The following NKAIN3 variants were observed in gnomAD, a reference collection of about 807,000 sequenced individuals.
The protein encoded by NKAIN3 is sodium/potassium transporting ATPase interacting 3.
In NKAIN3, 25 loss-of-function variants were observed where a neutral mutation model predicts 30.2. The ratio of observed to expected loss-of-function variants is 0.83; its 90% CI spans 0.60 to 1.16. The LOEUF is 1.16. NKAIN3 is among the 50% of genes most tolerant of loss of function. The pLI, the probability that NKAIN3 is intolerant of heterozygous loss-of-function variation, is 0.00. For missense variants in NKAIN3, 225 were observed against 254.1 expected (o/e 0.89, Z 0.78); for synonymous variants, 91 against 89.6 (o/e 1.02, Z -0.09).
intron 3 of NKAIN3, among the ~76,000 whole-genome samples, chr8:62,682,656 G>A (rs574916957): frequency 1.3e-5 from 2 of 152,270 alleles, no homozygotes; most frequent in South Asian, 4.1e-4. Context: ...CAATATGGGA[G>A]TGAGACTGGC....
chr8:62,692,677 T>C (rs1222468652), intron 3 of NKAIN3, among the ~76,000 whole-genome samples: 1 of 152,240 alleles, frequency 6.6e-6, no homozygotes, highest in East Asian at 1.9e-4. Context: ...ATTTCTCTAA[T>C]GTTTATTCTT....
chr8:62,449,719 G>T (rs530018459), intron 1 of NKAIN3, among the ~76,000 whole-genome samples: 1 of 152,014 alleles, frequency 6.6e-6, no homozygotes, highest in Non-Finnish European at 1.5e-5. Flanking sequence ...CAATCCATAA[G>T]CGTATTTTTC....
chr8:62,711,536 C>A (rs1814717361), intron 3 of NKAIN3, among the ~76,000 whole-genome samples: 1 of 152,166 alleles, frequency 6.6e-6, no homozygotes, highest in Admixed American at 6.5e-5. Flanking sequence ...ATTGCTAAGA[C>A]TTTCCAGAGC....
intron 6 of NKAIN3, among the ~76,000 whole-genome samples, chr8:62,963,814 G>C (rs1482422708): frequency 2.0e-5 from 3 of 152,126 alleles, no homozygotes; most frequent in Non-Finnish European, 2.9e-5. Context: ...GGAGGGAGTT[G>C]TTCTCTAGAT....
chr8:62,880,803 T>C (rs771855837), intron 4 of NKAIN3, among the ~76,000 whole-genome samples: 1 of 152,224 alleles, frequency 6.6e-6, no homozygotes, highest in Non-Finnish European at 1.5e-5. Context: ...TACTAAATAC[T>C]GTAGGAGGGT....
At chr8:62,702,332 C>T (rs1294078734) in intron 3 of NKAIN3, among the ~76,000 whole-genome samples, 2 of 152,032 alleles carry the variant, frequency 1.3e-5, no homozygotes, top group African/African-American at 4.8e-5. Context: ...AGAAAGTATC[C>T]AGTTTAAGAC....
intron 3 of NKAIN3, among the ~76,000 whole-genome samples, chr8:62,610,756 T>C (rs754377080): frequency 8.5e-5 from 13 of 152,190 alleles, no homozygotes; most frequent in Non-Finnish European, 1.5e-4. Flanking sequence ...TGTTTCCTAC[T>C]TTGTTGCATC....
At chr8:62,655,670 A>C (rs561935543) in intron 3 of NKAIN3, among the ~76,000 whole-genome samples, 1 of 152,270 alleles carries the variant, frequency 6.6e-6, no homozygotes, top group South Asian at 2.1e-4. Flanking sequence ...AAAATACAGG[A>C]GAAAGAGCAG....
chr8:62,277,789 G>A (rs1035391336), intron 1 of NKAIN3, among the ~76,000 whole-genome samples: 16 of 152,302 alleles, frequency 1.1e-4, no homozygotes, highest in African/African-American at 3.1e-4. Flanking sequence ...CTTCTGGCAA[G>A]GATGAAGTCG....
At chr8:62,747,942 T>G (rs959536283) in intron 4 of NKAIN3, among the ~76,000 whole-genome samples, 8 of 152,154 alleles carry the variant, frequency 5.3e-5, no homozygotes, top group Non-Finnish European at 1.2e-4. Flanking sequence ...AGTAAATAAA[T>G]AGATAACACA....
At chr8:62,808,616 C>T (rs943750219) in intron 4 of NKAIN3, among the ~76,000 whole-genome samples, 4 of 151,976 alleles carry the variant, frequency 2.6e-5, no homozygotes, top group Non-Finnish European at 5.9e-5. Flanking sequence ...TTCCATGATG[C>T]CCCCCAAGCC....
chr8:62,398,784 T>A (rs1383416474), intron 1 of NKAIN3, among the ~76,000 whole-genome samples: 1 of 152,244 alleles, frequency 6.6e-6, no homozygotes, highest in Non-Finnish European at 1.5e-5. Context: ...CAGAGTGGGT[T>A]GTGATGTTAA....
chr8:62,921,477 G>T (rs540949179), intron 5 of NKAIN3, among the ~76,000 whole-genome samples: 69 of 152,136 alleles, frequency 4.5e-4, no homozygotes, highest in African/African-American at 1.5e-3. Context: ...ATTTCCGAAG[G>T]GTAATAAATA....
intron 1 of NKAIN3, among the ~76,000 whole-genome samples, chr8:62,428,133 G>A (rs983233297): frequency 2.6e-5 from 4 of 151,716 alleles, no homozygotes; most frequent in East Asian, 3.9e-4. Context: ...TTAAAATAAC[G>A]TCCTACAGTT....
At chr8:62,885,603 G>T (rs1821123163) in intron 4 of NKAIN3, among the ~76,000 whole-genome samples, 1 of 152,092 alleles carries the variant, frequency 6.6e-6, no homozygotes, top group African/African-American at 2.4e-5. Context: ...TACAATAGTG[G>T]ATTTTTCTAT....
intron 3 of NKAIN3, among the ~76,000 whole-genome samples, chr8:62,685,478 T>C (rs1813771909): frequency 6.6e-6 from 1 of 152,214 alleles, no homozygotes. Context: ...GCTTGGTTCA[T>C]TCATGTTGGA....
intron 5 of NKAIN3, among the ~76,000 whole-genome samples, chr8:62,952,577 T>A (rs1285488155): frequency 6.6e-6 from 1 of 152,202 alleles, no homozygotes; most frequent in Non-Finnish European, 1.5e-5. Context: ...CAACCTAAGT[T>A]TCTTACAATG....
intron 4 of NKAIN3, among the ~76,000 whole-genome samples, chr8:62,847,121 C>T (rs1163001980): frequency 6.6e-6 from 1 of 152,014 alleles, no homozygotes; most frequent in African/African-American, 2.4e-5. Context: ...ATGTCTTTGC[C>T]GTTGTGAATG....
At chr8:62,936,557 T>C (rs1023036526) in intron 5 of NKAIN3, among the ~76,000 whole-genome samples, 22 of 152,224 alleles carry the variant, frequency 1.4e-4, no homozygotes, top group Non-Finnish European at 1.0e-4. Context: ...ATTAACACCA[T>C]ACAAAATCAC....
Sources: allele counts gnomAD v4.1 joint callset (sites outside exome capture counted in the v4.1 genomes callset), GRCh38; gene constraint gnomAD v4.1.1; transcripts MANE v1.5; gene names NCBI Gene and HGNC (gene_info 2026-07-23, HGNC 2026-07-21).